Variants in LDHAL6A observed in about 807,000 individuals in gnomAD.
The protein encoded by LDHAL6A is lactate dehydrogenase A like 6A.
In LDHAL6A, 19 loss-of-function variants were observed where a neutral mutation model predicts 28.2. That is an observed-to-expected ratio of 0.67 (90% CI 0.47 to 0.99). LDHAL6A has a LOEUF of 0.99. LDHAL6A is among the 50% of genes least tolerant of loss of function. The probability of loss-of-function intolerance (pLI) is 0.00; values close to 1 mark genes in which losing one functional copy is unlikely to be tolerated. For missense variants in LDHAL6A, 372 were observed against 398.6 expected (o/e 0.93, Z 0.57); for synonymous variants, 144 against 134.4 (o/e 1.07, Z -0.49).
rs746385426 is a variant in LDHAL6A at position 18,477,735 on chromosome 11, C to G, written c.826C>G (p.Leu276Val). 6.2e-7 allele frequency: 1 copy of G among 1,604,602 alleles called. No individual in the cohort carries two copies. Among genetic ancestry groups the G allele is most frequent in the Non-Finnish European group, 8.5e-7 (1 of 1,176,952 alleles). The change falls in exon 6 of 7, where the codon CTA becomes GTA. Residue 276 changes from leucine to valine, a missense_variant. By Grantham distance (32) the Leu-to-Val change is conservative (BLOSUM62 1). This residue lies in a region of LDHAL6A where 291 missense variants were observed against 302.9 expected (regional missense o/e 0.96). Transcript: ENST00000280706. ...NLRRVHPVST[L>V]SKGLYGINED... ...TAGGAGAGTGCATCCAGTTTCTACC[C>G]TAAGTAAGGTAGGACATTCATGTTC...
intron 3 of LDHAL6A, chr11:18,469,226 G>A: frequency 1.6e-6 from 1 of 626,584 alleles, no homozygotes; most frequent in East Asian, 3.0e-5. Flanking sequence ...AGTCTGTGGG[G>A]ACAGTAAGTT....
At position 18,475,568 on chromosome 11, in the gene LDHAL6A, T is replaced by C. The variant is rs771879607; in HGVS notation, c.521T>C (p.Ile174Thr). 3 of 1,614,192 alleles carry C rather than the reference T, an allele frequency of 1.9e-6. No homozygotes were observed. The highest frequency in any genetic ancestry group is 1.3e-5 in the African/African-American group (1 of 75,060). Reference sequence around the variant, plus strand: ...GACTCTGCTCGTTTTCGTTACTTTATTGGGCAAAGGCTTGGCATCCACTCT... The same window carrying C: ...GACTCTGCTCGTTTTCGTTACTTTACTGGGCAAAGGCTTGGCATCCACTCT... The part of the protein sequence containing the change: ...NLDSARFRYF[I>T]GQRLGIHSES... Residue 174 changes from isoleucine to threonine, a missense_variant, in exon 4 of 7, where the codon ATT becomes ACT. Around this residue, in one of 3 missense-constraint regions of LDHAL6A, gnomAD observed 291 missense variants for 302.9 expected, o/e 0.96. Coordinates refer to ENST00000280706, the MANE Select transcript of LDHAL6A (RefSeq NM_144972.5).
At chr11:18,467,855 C>CA (rs1173572966) in intron 3 of LDHAL6A, among the ~76,000 whole-genome samples, 3,240 of 59,940 alleles carry the variant, frequency 0.054, 206 homozygotes, top group South Asian at 0.12. Context: ...AAGACTGTCT[C>CA]AAAAAAAATA....
At chr11:18,475,798 CCAA>C (rs1444999769) in intron 4 of LDHAL6A, 159 bp downstream of exon 4, 13 of 520,768 alleles carry the variant, frequency 2.5e-5, no homozygotes, top group African/African-American at 2.3e-4. Flanking sequence ...TTTAAAATAA[CCAA>C]CAAAAAATAC....
At chr11:18,478,589 G>C in intron 6 of LDHAL6A, 117 bp from the exon 7 acceptor site, 1 of 791,114 alleles carries the variant, frequency 1.3e-6, no homozygotes, top group Non-Finnish European at 2.0e-6. Context: ...TCTCTGCCTT[G>C]GTACTCTGCC....
At chr11:18,469,179 C>A in intron 3 of LDHAL6A, 1 of 637,256 alleles carries the variant, frequency 1.6e-6, no homozygotes, top group Non-Finnish European at 2.8e-6. Context: ...CCTGGTGGAG[C>A]TCCTTCATTA....
intron 1 of LDHAL6A, among the ~76,000 whole-genome samples, chr11:18,461,711 G>A (rs1221710515): frequency 3.3e-5 from 5 of 150,562 alleles, no homozygotes; most frequent in Non-Finnish European, 7.4e-5. Flanking sequence ...AATTAGCCGG[G>A]CATGGTGGCA....
In LDHAL6A at chr11:18,479,042, T is replaced by C; in HGVS notation, c.*172T>C. ...TTTTTTCTTTTTTGGGAGGGTCTCA[T>C]TCTGTCACCCAGGCTGGAGTGCAGT... is the stretch of plus-strand genomic sequence containing the variant. On this transcript the variant is annotated 3_prime_UTR_variant, in exon 7 of 7. Transcript: ENST00000280706. 1.9e-6 allele frequency: 1 copy of C among 534,892 alleles called. No homozygotes were observed. Among genetic ancestry groups the C allele is most frequent in the Non-Finnish European group, 3.2e-6 (1 of 310,134 alleles). The allele number at this position is 534,892 out of a possible 1,614,324, so 33.1% of individuals were successfully genotyped here. A position where few individuals can be genotyped will look rare whatever the true frequency, so the allele number is the denominator to read the frequency against.
chr11:18,461,768 C>A (rs143246117), intron 1 of LDHAL6A, among the ~76,000 whole-genome samples: 3,324 of 149,840 alleles, frequency 0.022, 128 homozygotes, highest in African/African-American at 0.078. Context: ...AGGAAAATCG[C>A]TTGAACCCGG....
At chr11:18,467,724 G>T (rs1265701845) in intron 3 of LDHAL6A, among the ~76,000 whole-genome samples, 1 of 150,554 alleles carries the variant, frequency 6.6e-6, no homozygotes, top group Non-Finnish European at 1.5e-5. Context: ...TGGGCATGGT[G>T]GTGCACACCT....
At position 18,455,873 on chromosome 11, in the gene LDHAL6A, TGCC is replaced by T. The variant is rs1848738403; in HGVS notation, c.-807_-805del. 6.4e-4 allele frequency: 2 copies of T among 3,102 alleles called. No individual in the cohort carries two copies. The highest frequency in any genetic ancestry group is 2.4e-3 in the African/African-American group (2 of 820). 0.2% of individuals were successfully genotyped at this position (3,102 alleles called of 1,614,324 possible). A position where few individuals can be genotyped will look rare whatever the true frequency, so the allele number is the denominator to read the frequency against. On this transcript the variant is annotated 5_prime_UTR_variant, in exon 1 of 7. Transcript: ENST00000280706. The stretch of plus-strand genomic sequence containing the variant: ...CGCAGCCCGCTTCCGGCCTCACACC[TGCC>T]AAGCATCACACCTGCCAAGCATCAC...
At chr11:18,468,003 GTATATATATACATATATATACGTA>G (rs1565071583) in intron 3 of LDHAL6A, among the ~76,000 whole-genome samples, 17 of 61,594 alleles carry the variant, frequency 2.8e-4, no homozygotes, top group African/African-American at 1.4e-3. Flanking sequence ...ATATATATAC[GTATATATATACATATATATACGTA>G]TATATATATA....
Position 18,456,572 on chromosome 11 carries a change from A to C in LDHAL6A, c.-109A>C. 1 of 945,716 alleles carries C rather than the reference A, an allele frequency of 1.1e-6. No homozygotes were observed. The highest frequency in any genetic ancestry group is 1.6e-6 in the Non-Finnish European group (1 of 613,230). The allele number at this position is 945,716 out of a possible 1,614,324, so 58.6% of individuals were successfully genotyped here. A position where few individuals can be genotyped will look rare whatever the true frequency, so the allele number is the denominator to read the frequency against. On this transcript the variant is annotated 5_prime_UTR_variant, in exon 1 of 7. Transcript: ENST00000280706. ...GCAGCACCTCCTTCCACACGGGCCC[A>C]GGAGTTCTCTATACGCGCTCTCACC...
At chr11:18,469,954 A>T (rs1455808347) in intron 3 of LDHAL6A, among the ~76,000 whole-genome samples, 1 of 151,414 alleles carries the variant, frequency 6.6e-6, no homozygotes, top group Non-Finnish European at 1.5e-5. Context: ...TTTGAGACAG[A>T]GTCTCTGTCT....
At chr11:18,464,977 G>GTTTTTTGTTTTTTTTTTTTTTTTT (rs1849015131) in intron 2 of LDHAL6A, among the ~76,000 whole-genome samples, 1 of 125,488 alleles carries the variant, frequency 8.0e-6, no homozygotes, top group African/African-American at 3.4e-5. Flanking sequence ...TGTTTTTTTT[G>GTTTTTTGTTTTTTTTTTTTTTTTT]TTTTTTTTTG....
chr11:18,474,952 T>C (rs1181595056), intron 3 of LDHAL6A, among the ~76,000 whole-genome samples: 1 of 152,168 alleles, frequency 6.6e-6, no homozygotes, highest in Non-Finnish European at 1.5e-5. Context: ...TTAAAGAATA[T>C]AAACTAGGCC....
intron 3 of LDHAL6A, among the ~76,000 whole-genome samples, chr11:18,474,064 A>C (rs1161346664): frequency 6.6e-6 from 1 of 151,896 alleles, no homozygotes; most frequent in Non-Finnish European, 1.5e-5. Flanking sequence ...GCTTCTTCTT[A>C]AAGTATTTTT....
At position 18,456,269 on chromosome 11, in the gene LDHAL6A, C is replaced by G. The variant is rs1848750998; in HGVS notation, c.-412C>G. ...TACCTCTCACCTGGACCTGCGGACC[C>G]CGGGCGCAGTCCTGGAGCTGAGAAC... is the stretch of plus-strand genomic sequence containing the variant. On this transcript the variant is annotated 5_prime_UTR_variant, in exon 1 of 7. Transcript: ENST00000280706. 2 of 180,436 alleles carry G rather than the reference C, an allele frequency of 1.1e-5. No individual in the cohort carries two copies. The highest frequency in any genetic ancestry group is 6.4e-5 in the Admixed American group (1 of 15,744). The allele number at this position is 180,436 out of a possible 1,614,324, so 11.2% of individuals were successfully genotyped here.
chr11:18,477,172 C>T (rs1849404302), intron 5 of LDHAL6A, among the ~76,000 whole-genome samples: 1 of 151,670 alleles, frequency 6.6e-6, no homozygotes, highest in Non-Finnish European at 1.5e-5. Context: ...ATATATATGG[C>T]CGGGCGTGGT....
Sources: allele counts gnomAD v4.1 joint callset (sites outside exome capture counted in the v4.1 genomes callset), GRCh38; gene constraint gnomAD v4.1.1; regional missense constraint gnomAD v4.1.1; transcripts MANE v1.5; gene names NCBI Gene and HGNC (gene_info 2026-07-23, HGNC 2026-07-21).